The following FCHSD2 variants were observed in gnomAD, a reference collection of about 807,000 sequenced individuals.
FCHSD2 encodes the protein F-BAR and double SH3 domains protein 2.
Under a neutral mutation model 108.1 loss-of-function variants are expected in FCHSD2, and 38 were observed. That is an observed-to-expected ratio of 0.35 (90% CI 0.27 to 0.46). The LOEUF (loss-of-function observed/expected upper bound fraction) is 0.46. Among genes scored for constraint, FCHSD2 ranks in the 20% least tolerant of loss-of-function variants. The pLI is 1.00. For missense variants in FCHSD2, 751 were observed against 897.8 expected, an observed-to-expected ratio of 0.84 and a Z score of 2.09; for synonymous variants, 279 against 314.7, an observed-to-expected ratio of 0.89 and a Z score of 1.20.
Position 73,122,460 on chromosome 11 carries a change from A to G in FCHSD2, c.119+17571T>C, listed in dbSNP as rs182971398. On this transcript the variant is annotated intron_variant, in intron 2 of 19. Coordinates refer to ENST00000409418, the MANE Select transcript of FCHSD2 (RefSeq NM_014824.3). ...GACTGCACTATCCTGCACAAAGGTA[A>G]CACCACTTAACCATCTTCTTTCTTG... 8.5e-5 allele frequency among the ~76,000 whole-genome samples: 13 copies of G among 152,338 alleles called. No individual in the cohort carries two copies. The East Asian group carries it at 2.5e-3, about 29-fold the overall frequency.
At chr11:72,957,446 G>A (rs1195766684) in intron 8 of FCHSD2, among the ~76,000 whole-genome samples, 2 of 150,684 alleles carry the variant, frequency 1.3e-5, no homozygotes, top group African/African-American at 4.9e-5. Context: ...TTGGACATTT[G>A]GGTTGGTTCC....
chr11:73,057,463 GC>G (rs1009334132), intron 3 of FCHSD2, among the ~76,000 whole-genome samples: 1 of 152,160 alleles, frequency 6.6e-6, no homozygotes, highest in African/African-American at 2.4e-5. Flanking sequence ...TGCCCTCACA[GC>G]CAACAGAGGT....
At chr11:73,041,355 A>G (rs2135463516) in intron 3 of FCHSD2, among the ~76,000 whole-genome samples, 1 of 152,310 alleles carries the variant, frequency 6.6e-6, no homozygotes, top group Non-Finnish European at 1.5e-5. Context: ...AACAATGTAT[A>G]AGAGTTACCT....
intron 8 of FCHSD2, among the ~76,000 whole-genome samples, chr11:72,946,388 G>T (rs1255935711): frequency 7.1e-6 from 1 of 140,744 alleles, no homozygotes; most frequent in Non-Finnish European, 1.5e-5. Context: ...ACACACCAGG[G>T]CCTGTTGTGG....
intron 13 of FCHSD2, among the ~76,000 whole-genome samples, chr11:72,851,951 A>T (rs2135173776): frequency 7.1e-6 from 1 of 141,422 alleles, no homozygotes; most frequent in South Asian, 2.6e-4. Context: ...ATCACGGTTC[A>T]TTGCAGTGTC....
In FCHSD2 at chr11:72,843,247, G is replaced by A. The variant is rs369975719; in HGVS notation, c.1609C>T (p.Leu537=). 9.3e-6 allele frequency: 15 copies of A among 1,613,910 alleles called. No homozygotes were observed. Among genetic ancestry groups the A allele is most frequent in the Non-Finnish European group, 1.3e-5 (15 of 1,179,886 alleles). ...FPTSNSLLSM[L]QSLAALDSRS... ...CTGTCCAAAGCGGCCAGGGACTGCAGCATGCTCAGGAGGCTGTTCGAGGTG... is the reference window on the plus strand; with the variant it reads ...CTGTCCAAAGCGGCCAGGGACTGCAACATGCTCAGGAGGCTGTTCGAGGTG... The change falls in exon 16 of 20, where the codon CTG becomes TTG. Residue 537 remains leucine, a synonymous_variant. Coordinates refer to ENST00000409418, the MANE Select transcript of FCHSD2 (RefSeq NM_014824.3).
intron 2 of FCHSD2, among the ~76,000 whole-genome samples, chr11:73,087,653 C>T (rs1591543225): frequency 2.0e-5 from 3 of 149,116 alleles, no homozygotes; most frequent in South Asian, 4.3e-4. Flanking sequence ...TGCAGTGGGC[C>T]GAGATCACAC....
chr11:72,836,987 G>T lies in FCHSD2; in HGVS notation c.*1804C>A, dbSNP rs1313049707. 6.6e-6 allele frequency: 1 copy of T among 152,350 alleles called. No individual in the cohort carries two copies. The highest frequency in any genetic ancestry group is 1.5e-5 in the Non-Finnish European group (1 of 68,012). 9.4% of individuals were successfully genotyped at this position (152,350 alleles called of 1,614,324 possible). ...AAAAATATTTTAAAATACAACAAAA[G>T]ATTTCAAATAACCCTTTGAGGTTGT... On this transcript the variant is annotated 3_prime_UTR_variant, in exon 20 of 20. Transcript: ENST00000409418.
At chr11:73,130,672 A>C (rs1860976042) in intron 2 of FCHSD2, among the ~76,000 whole-genome samples, 1 of 152,228 alleles carries the variant, frequency 6.6e-6, no homozygotes, top group South Asian at 2.1e-4. Flanking sequence ...TTTCAAGTAC[A>C]CAGTGGTCTG....
At chr11:73,128,965 G>A (rs529972572) in intron 2 of FCHSD2, among the ~76,000 whole-genome samples, 13 of 152,086 alleles carry the variant, frequency 8.5e-5, no homozygotes, top group East Asian at 3.9e-4. Context: ...TCCATCTCCC[G>A]GGTTCAAGCG....
At chr11:72,925,816 T>A (rs1856064627) in intron 8 of FCHSD2, among the ~76,000 whole-genome samples, 1 of 152,114 alleles carries the variant, frequency 6.6e-6, no homozygotes, top group South Asian at 2.1e-4. Flanking sequence ...CCCTGCCCCT[T>A]CTGAGTTGGG....
At position 73,051,915 on chromosome 11, in the gene FCHSD2, A is replaced by C. The variant is rs180937592; in HGVS notation, c.165+31780T>G. ...CACACACACACACACACACACACAC[A>C]CCCCACACACACTGACATCAGGGAA... On this transcript the variant is annotated intron_variant, in intron 3 of 19. Transcript: ENST00000409418. Among the ~76,000 whole-genome samples the C allele has an allele frequency of 1.5e-3, 171 of 117,614 alleles. 1 individual carries two copies. Among genetic ancestry groups the C allele is most frequent in the East Asian group, 4.6e-3 (19 of 4,092 alleles). The allele number at this position is 117,614 out of a possible 152,430, so 77.2% of individuals were successfully genotyped here.
At chr11:73,080,951 A>G (rs974164579) in intron 3 of FCHSD2, among the ~76,000 whole-genome samples, 41 of 151,792 alleles carry the variant, frequency 2.7e-4, no homozygotes, top group African/African-American at 9.4e-4. Context: ...TCTGTCTCAA[A>G]AAAACAACAA....
intron 4 of FCHSD2, among the ~76,000 whole-genome samples, chr11:73,005,332 G>A (rs921956914): frequency 7.2e-5 from 11 of 152,142 alleles, no homozygotes; most frequent in Non-Finnish European, 1.6e-4. Flanking sequence ...TTCTGAAATT[G>A]CTTGCCAAAG....
intron 2 of FCHSD2, among the ~76,000 whole-genome samples, chr11:73,093,965 C>CT: frequency 6.6e-6 from 1 of 151,368 alleles, no homozygotes; most frequent in East Asian, 2.0e-4. Context: ...AATCCCAATA[C>CT]TTTGGAAGGC....
At chr11:73,000,008 T>C (rs1472466089) in intron 5 of FCHSD2, among the ~76,000 whole-genome samples, 2 of 152,180 alleles carry the variant, frequency 1.3e-5, no homozygotes, top group African/African-American at 4.8e-5. Context: ...CAGGCATTCT[T>C]ATACAAATAT....
Position 72,911,747 on chromosome 11 carries a change from G to C in FCHSD2, c.829-9109C>G, listed in dbSNP as rs374142987. The stretch of plus-strand genomic sequence containing the variant: ...ATGTGCAGGTTAGTTACATATGTTC[G>C]CTTTTGTTGCCTAGGCTGGAGTGCA... On this transcript the variant is annotated intron_variant, in intron 9 of 19. Transcript: ENST00000409418. Among the ~76,000 whole-genome samples, 5 of 151,466 alleles carry C rather than the reference G, an allele frequency of 3.3e-5. No homozygotes were observed. The East Asian group carries it at 7.7e-4, about 23-fold the overall frequency.
At chr11:72,855,818 G>A (rs2135180569) in intron 13 of FCHSD2, among the ~76,000 whole-genome samples, 1 of 152,266 alleles carries the variant, frequency 6.6e-6, no homozygotes, top group African/African-American at 2.4e-5. Flanking sequence ...TATCTGACAG[G>A]GGAAGGCAGA....
intron 5 of FCHSD2, among the ~76,000 whole-genome samples, chr11:72,997,788 C>T (rs903387491): frequency 2.6e-5 from 4 of 152,172 alleles, no homozygotes; most frequent in African/African-American, 9.7e-5. Context: ...GCAATCTCTA[C>T]CTCCTGTGCT....
Sources: gnomAD v4.1 joint callset for allele counts (sites outside exome capture counted in the v4.1 genomes callset) on GRCh38, gnomAD v4.1.1 for gene constraint, MANE v1.5 for transcripts, NCBI Gene and HGNC (gene_info 2026-07-23, HGNC 2026-07-21) for gene names.